ARMC3: variants seen among roughly 807,000 people sequenced by gnomAD.
ARMC3 encodes armadillo repeat containing 3, also known as armadillo repeat-containing protein 3.
In ARMC3, 74 loss-of-function variants were observed where a neutral mutation model predicts 90.3. The observed-to-expected ratio is 0.82, with a 90% CI of 0.68 to 0.99. The LOEUF (loss-of-function observed/expected upper bound fraction) is 0.99. Among genes scored for constraint, ARMC3 ranks in the 50% least tolerant of loss-of-function variants. The probability of loss-of-function intolerance (pLI) is 0.00; values close to 1 mark genes in which losing one functional copy is unlikely to be tolerated. For synonymous variants in ARMC3, 334 were observed against 361.8 expected (o/e 0.92, Z 0.87); for missense variants, 958 against 1,042.8 (o/e 0.92, Z 1.12).
At chr10:22,968,870 G>T (rs1835560860) in intron 8 of ARMC3, among the ~76,000 whole-genome samples, 1 of 152,062 alleles carries the variant, frequency 6.6e-6, no homozygotes, top group Non-Finnish European at 1.5e-5. Flanking sequence ...TAGAGCATTT[G>T]TCTGCTTTTA....
intron 14 of ARMC3, among the ~76,000 whole-genome samples, chr10:23,007,324 A>G (rs932600239): frequency 2.6e-5 from 4 of 152,160 alleles, no homozygotes; most frequent in African/African-American, 9.7e-5. Context: ...CTCCAGGACT[A>G]TGTGCTGGAG....
intron 10 of ARMC3, among the ~76,000 whole-genome samples, chr10:22,987,859 A>G (rs961078877): frequency 6.6e-6 from 1 of 152,236 alleles, no homozygotes; most frequent in African/African-American, 2.4e-5. Context: ...GTTAGCACAT[A>G]TAGTGGTGAC....
intron 6 of ARMC3, chr10:22,960,449 C>T (rs1001897036): frequency 6.6e-6 from 1 of 152,150 alleles, no homozygotes; most frequent in East Asian, 1.9e-4. Flanking sequence ...TATGCCATTG[C>T]TACTCGACAG....
At chr10:23,016,216 A>G (rs1040367586) in intron 16 of ARMC3, among the ~76,000 whole-genome samples, 1 of 152,228 alleles carries the variant, frequency 6.6e-6, no homozygotes, top group Non-Finnish European at 1.5e-5. Flanking sequence ...TATTTTCCAC[A>G]TAACAAAATC....
chr10:22,994,185 C>T (rs1231664299), intron 10 of ARMC3, among the ~76,000 whole-genome samples: 1 of 152,178 alleles, frequency 6.6e-6, no homozygotes, highest in East Asian at 1.9e-4. Context: ...TTGTGCTGAG[C>T]TGTGAAAGAG....
intron 7 of ARMC3, among the ~76,000 whole-genome samples, chr10:22,967,886 C>T (rs1039795378): frequency 6.6e-6 from 1 of 152,170 alleles, no homozygotes; most frequent in African/African-American, 2.4e-5. Context: ...AGTAGATTTC[C>T]TCAGGCAAGA....
At chr10:22,974,530 T>C (rs990931395) in intron 8 of ARMC3, among the ~76,000 whole-genome samples, 3 of 152,342 alleles carry the variant, frequency 2.0e-5, no homozygotes, top group African/African-American at 4.8e-5. Flanking sequence ...AAAGTTACTA[T>C]AGTTATTTTA....
At chr10:22,989,456 G>A (rs1477034520) in intron 10 of ARMC3, among the ~76,000 whole-genome samples, 5 of 151,996 alleles carry the variant, frequency 3.3e-5, no homozygotes, top group African/African-American at 9.7e-5. Flanking sequence ...CTCTAGAGTC[G>A]ATTTTTTGCT....
At chr10:23,027,606 T>G (rs1356977615) in intron 16 of ARMC3, among the ~76,000 whole-genome samples, 5 of 152,226 alleles carry the variant, frequency 3.3e-5, no homozygotes, top group Admixed American at 6.5e-5. Flanking sequence ...TTGATTTTGA[T>G]GTATCTGAGA....
intron 16 of ARMC3, among the ~76,000 whole-genome samples, chr10:23,026,391 A>G (rs1276578921): frequency 6.6e-6 from 1 of 152,102 alleles, no homozygotes; most frequent in African/African-American, 2.4e-5. Context: ...AATTTATCTG[A>G]GCAACTTGAG....
rs776143888 is a variant in ARMC3 at position 23,002,609 on chromosome 10, C to CT, written c.1562+565dup. 6.9e-3 allele frequency among the ~76,000 whole-genome samples: 968 copies of CT among 139,324 alleles called. 10 individuals are homozygous for CT. The highest frequency in any genetic ancestry group is 0.017 in the African/African-American group (645 of 38,008). 91.4% of individuals were successfully genotyped at this position (139,324 alleles called of 152,430 possible). On this transcript the variant is annotated intron_variant, in intron 12 of 18. Coordinates refer to ENST00000298032, the MANE Select transcript of ARMC3 (RefSeq NM_173081.5). ...TTTTCTTTCTTTTCTTTTTTTCTTT[C>CT]TTTTTTTTTTTGGCAGAGTCTCGCT...
intron 10 of ARMC3, among the ~76,000 whole-genome samples, chr10:22,997,608 CAACCT>C (rs1410335785): frequency 6.6e-6 from 1 of 152,166 alleles, no homozygotes; most frequent in Non-Finnish European, 1.5e-5. Flanking sequence ...CTACAATTAA[CAACCT>C]AATTTGAAGA....
Position 23,033,024 on chromosome 10 carries a change from G to A in ARMC3, c.2409+1G>A, listed in dbSNP as rs768756990. The A allele has an allele frequency of 1.8e-5, 29 of 1,611,836 alleles. No homozygotes were observed. The highest frequency in any genetic ancestry group is 2.5e-5 in the Non-Finnish European group (29 of 1,178,910). On this transcript the variant is annotated splice_donor_variant, in intron 18 of 18. Coordinates refer to ENST00000298032, the MANE Select transcript of ARMC3 (RefSeq NM_173081.5). LOFTEE classifies it high-confidence loss of function. ...CTACCATCGAGCTTTGCTTTTCAAGGTGTGTAAGGTATTTTGCCTCATTTG... is the reference window on the plus strand; with the variant it reads ...CTACCATCGAGCTTTGCTTTTCAAGATGTGTAAGGTATTTTGCCTCATTTG...
intron 10 of ARMC3, 69 bp from the exon 11 acceptor site, chr10:22,998,079 A>C: frequency 6.5e-7 from 1 of 1,532,958 alleles, no homozygotes; most frequent in Non-Finnish European, 8.9e-7. Flanking sequence ...TTAGCAGCTT[A>C]GTTGCATGCT....
intron 10 of ARMC3, among the ~76,000 whole-genome samples, chr10:22,985,105 T>A (rs1286296011): frequency 6.8e-6 from 1 of 146,228 alleles, no homozygotes; most frequent in East Asian, 2.1e-4. Context: ...TTGCCCAGGC[T>A]GGTCTCTCAA....
At chr10:22,985,035 G>GTTAAT in intron 10 of ARMC3, among the ~76,000 whole-genome samples, 1 of 133,026 alleles carries the variant, frequency 7.5e-6, no homozygotes, top group African/African-American at 2.8e-5. Flanking sequence ...ATCCCACCCA[G>GTTAAT]TTAATTTTTC....
intron 15 of ARMC3, 141 bp downstream of exon 15, chr10:23,008,515 G>T (rs1335652001): frequency 1.6e-6 from 1 of 642,252 alleles, no homozygotes; most frequent in Non-Finnish European, 2.7e-6. Flanking sequence ...CTTTTACATT[G>T]CTATGGGAAA....
intron 8 of ARMC3, among the ~76,000 whole-genome samples, chr10:22,977,618 A>G (rs1207689978): frequency 2.0e-5 from 3 of 152,186 alleles, no homozygotes; most frequent in African/African-American, 7.2e-5. Context: ...CCCTTCTGAC[A>G]TAGCCTCCTT....
At chr10:22,973,119 C>T (rs1269635825) in intron 8 of ARMC3, among the ~76,000 whole-genome samples, 3 of 151,760 alleles carry the variant, frequency 2.0e-5, no homozygotes, top group South Asian at 4.2e-4. Context: ...CAGAGCAAGA[C>T]CCCCCATCTC....
Sources: allele counts gnomAD v4.1 joint callset (sites outside exome capture counted in the v4.1 genomes callset), GRCh38; gene constraint gnomAD v4.1.1; transcripts MANE v1.5; gene names NCBI Gene and HGNC (gene_info 2026-07-23, HGNC 2026-07-21).